Variants in VRK2 observed in about 807,000 individuals in gnomAD.
VRK2 encodes VRK serine/threonine kinase 2, also known as serine/threonine-protein kinase VRK2.
In VRK2, 60 loss-of-function variants were observed where a neutral mutation model predicts 57.6. That is an observed-to-expected ratio of 1.04 (90% CI 0.85 to 1.29). The LOEUF is 1.29. Among genes scored for constraint, VRK2 ranks in the 50% most tolerant of loss-of-function variants. The pLI, the probability that VRK2 is intolerant of heterozygous loss-of-function variation, is 0.00. For missense variants in VRK2, 705 were observed against 588.1 expected (o/e 1.20, Z -2.06); for synonymous variants, 231 against 199.2 (o/e 1.16, Z -1.35).
chr2:57,982,550 G>A (rs1672455715), intron 1 of VRK2, among the ~76,000 whole-genome samples: 1 of 152,194 alleles, frequency 6.6e-6, no homozygotes, highest in Admixed American at 6.5e-5. Flanking sequence ...GGTATACATT[G>A]GCAGGGATCC....
At chr2:58,109,571 T>G (rs1675251088) in intron 7 of VRK2, among the ~76,000 whole-genome samples, 2 of 152,282 alleles carry the variant, frequency 1.3e-5, no homozygotes, top group South Asian at 4.1e-4. Flanking sequence ...CTTCTTCACA[T>G]GCTGGCAAGA....
At chr2:57,948,033 C>T (rs75957294) in intron 1 of VRK2, among the ~76,000 whole-genome samples, 113 of 152,212 alleles carry the variant, frequency 7.4e-4, no homozygotes, top group Non-Finnish European at 1.4e-3. Context: ...TTCTAGTGTC[C>T]AAAGCCATGC....
chr2:58,064,647 C>T (rs1668379477), intron 2 of VRK2, among the ~76,000 whole-genome samples: 1 of 151,974 alleles, frequency 6.6e-6, no homozygotes, highest in Admixed American at 6.6e-5. Context: ...TGGAACCGAA[C>T]CTGCAGTATC....
exon 1 of VRK2, chr2:57,907,824 T>C (rs147484997): frequency 3.3e-5 from 5 of 152,334 alleles, no homozygotes; most frequent in African/African-American, 1.2e-4. Context: ...CAATAAGCCT[T>C]CCTTGCTACA....
intron 1 of VRK2, among the ~76,000 whole-genome samples, chr2:57,937,334 A>T (rs1216401652): frequency 6.6e-6 from 1 of 152,202 alleles, no homozygotes; most frequent in African/African-American, 2.4e-5. Context: ...ATTTTCAATA[A>T]TCCCACTTTT....
At chr2:58,104,957 G>A (rs1244936389) in intron 7 of VRK2, among the ~76,000 whole-genome samples, 1 of 151,848 alleles carries the variant, frequency 6.6e-6, no homozygotes, top group Non-Finnish European at 1.5e-5. Context: ...TGCACACTGG[G>A]GAAAGGACAC....
At chr2:57,968,604 C>T (rs1436129157) in intron 1 of VRK2, among the ~76,000 whole-genome samples, 1 of 151,974 alleles carries the variant, frequency 6.6e-6, no homozygotes, top group Admixed American at 6.6e-5. Flanking sequence ...ACGTGAATGC[C>T]ATTTTAAGAT....
At chr2:57,997,272 TA>T (rs1483062581) in intron 1 of VRK2, among the ~76,000 whole-genome samples, 1 of 151,962 alleles carries the variant, frequency 6.6e-6, no homozygotes, top group African/African-American at 2.4e-5. Context: ...AATTAGCCAA[TA>T]GACAAGATTT....
In VRK2 at chr2:58,131,790, T is replaced by C. The variant is rs751718131; in HGVS notation, c.677-18T>C. On this transcript the variant is annotated intron_variant, in intron 8 of 12. Transcript: ENST00000340157. The stretch of plus-strand genomic sequence containing the variant: ...CTTGCTTATCCCTTATCTTTCTCTC[T>C]AATGCTTACTCCTATAGCCTTGTCC... The C allele has an allele frequency of 6.3e-7, 1 of 1,589,262 alleles. No homozygotes were observed. Among genetic ancestry groups the C allele is most frequent in the Non-Finnish European group, 8.5e-7 (1 of 1,171,520 alleles).
chr2:58,081,857 CGTGTGTGTGTGT>C (rs369430200), intron 2 of VRK2, among the ~76,000 whole-genome samples: 144 of 142,202 alleles, frequency 1.0e-3, no homozygotes, highest in African/African-American at 3.3e-3. Context: ...ATACCATGTC[CGTGTGTGTGTGT>C]GTGTGTGTGT....
chr2:58,084,847 T>C, intron 3 of VRK2, 34 bp from the exon 4 acceptor site: 6 of 1,358,642 alleles, frequency 4.4e-6, no homozygotes, highest in Non-Finnish European at 6.1e-6. Flanking sequence ...GGATTATTTT[T>C]TTCTAGTAAA....
chr2:57,935,958 C>G (rs528893669), intron 1 of VRK2, among the ~76,000 whole-genome samples: 2 of 152,272 alleles, frequency 1.3e-5, no homozygotes, highest in South Asian at 4.1e-4. Flanking sequence ...GACTCCAGGA[C>G]TCCTGCAAAG....
intron 1 of VRK2, among the ~76,000 whole-genome samples, chr2:57,986,661 C>T (rs1259268298): frequency 1.4e-5 from 2 of 146,006 alleles, no homozygotes; most frequent in East Asian, 4.1e-4. Flanking sequence ...TGCAGTGGCA[C>T]GATCTCAACT....
In VRK2 at chr2:57,987,189, C is replaced by A. The variant is rs1035650587; in HGVS notation, c.-438-38476C>A. On this transcript the variant is annotated intron_variant, in intron 1 of 15. Coordinates refer to the VRK2 transcript ENST00000417641. Reference sequence around the variant, plus strand: ...TGAACTTTATCAAAATCAAAAAATTCTTCTCTCTGAAGGTGCTTATAATAA... The same window carrying A: ...TGAACTTTATCAAAATCAAAAAATTATTCTCTCTGAAGGTGCTTATAATAA... 5.9e-5 allele frequency among the ~76,000 whole-genome samples: 9 copies of A among 152,070 alleles called. No individual in the cohort carries two copies. In the South Asian group the frequency reaches 1.5e-3, roughly 25 times the overall value.
intron 7 of VRK2, among the ~76,000 whole-genome samples, chr2:58,107,956 G>A (rs1674998072): frequency 6.6e-6 from 1 of 152,108 alleles, no homozygotes; most frequent in Non-Finnish European, 1.5e-5. Flanking sequence ...GTGAGAAGCA[G>A]GAAAGCAGCA....
chr2:58,063,143 A>G (rs755496134), intron 2 of VRK2, among the ~76,000 whole-genome samples: 2 of 151,684 alleles, frequency 1.3e-5, no homozygotes, highest in Non-Finnish European at 2.9e-5. Flanking sequence ...CCTGGATGAC[A>G]GCCCATCTTT....
At chr2:58,138,528 C>G (rs887811933) in intron 10 of VRK2, among the ~76,000 whole-genome samples, 1 of 152,152 alleles carries the variant, frequency 6.6e-6, no homozygotes, top group Non-Finnish European at 1.5e-5. Flanking sequence ...TCACTCTTAA[C>G]TTTAATAGGG....
At position 58,078,374 on chromosome 2, in the gene VRK2, A is replaced by G. The variant is rs1670416592; in HGVS notation, c.137-5715A>G. ...TTGATTAATGTTCCATTCCAAGTATATGCCACCTTTTGTTTAATTATCTGT... is the reference window on the plus strand; with the variant it reads ...TTGATTAATGTTCCATTCCAAGTATGTGCCACCTTTTGTTTAATTATCTGT... On this transcript the variant is annotated intron_variant, in intron 2 of 12. Transcript: ENST00000340157. Among the ~76,000 whole-genome samples the G allele has an allele frequency of 1.3e-5, 2 of 152,200 alleles. 1 individual carries two copies. The highest frequency in any genetic ancestry group is 1.3e-4 in the Admixed American group (2 of 15,266).
chr2:57,928,216 A>C (rs1478546945), intron 1 of VRK2, among the ~76,000 whole-genome samples: 1 of 151,980 alleles, frequency 6.6e-6, no homozygotes, highest in African/African-American at 2.4e-5. Context: ...GTAGATATTC[A>C]TTTTTTAAAA....
Sources: allele counts gnomAD v4.1 joint callset (sites outside exome capture counted in the v4.1 genomes callset), GRCh38; gene constraint gnomAD v4.1.1; transcripts MANE v1.5; gene names NCBI Gene and HGNC (gene_info 2026-07-23, HGNC 2026-07-21).